TNFRSF8: variants seen among roughly 807,000 people sequenced by gnomAD.
The protein encoded by TNFRSF8 is TNF receptor superfamily member 8.
TNFRSF8 carries 26 observed loss-of-function variants against 70.8 expected under a neutral mutation model. The ratio of observed to expected loss-of-function variants is 0.37; its 90% CI spans 0.27 to 0.51. The LOEUF (loss-of-function observed/expected upper bound fraction) is 0.51. TNFRSF8 is among the 20% of genes least tolerant of loss of function. The probability of loss-of-function intolerance (pLI) is 0.94; values close to 1 mark genes in which losing one functional copy is unlikely to be tolerated. For missense variants in TNFRSF8, 720 were observed against 807.9 expected (o/e 0.89, Z 1.32); for synonymous variants, 356 against 339.2 (o/e 1.05, Z -0.54).
rs1640680188 is a variant in TNFRSF8, at chr1:12,063,384, A to T, written c.-215A>T. 1 of 396,322 alleles carries T rather than the reference A, an allele frequency of 2.5e-6. No homozygotes were observed. The highest frequency in any genetic ancestry group is 4.4e-6 in the Non-Finnish European group (1 of 225,976). The allele number at this position is 396,322 out of a possible 1,614,324, so 24.6% of individuals were successfully genotyped here. On this transcript the variant is annotated 5_prime_UTR_variant, in exon 1 of 15. Transcript: ENST00000263932. This position sits in a 1 kb window ranked among gnomAD's most constrained non-coding sequence, Gnocchi z 7.2. Reference sequence around the variant, plus strand: ...GTTCCTGGAACCAATTTGATACGGGAGAACTAAGGCTGAAACCTCGGAGGA... The same window carrying T: ...GTTCCTGGAACCAATTTGATACGGGTGAACTAAGGCTGAAACCTCGGAGGA...
intron 1 of TNFRSF8, among the ~76,000 whole-genome samples, chr1:12,069,259 A>G (rs1469485505): frequency 1.5e-5 from 2 of 129,090 alleles, no homozygotes; most frequent in Non-Finnish European, 1.6e-5. Context: ...GCTCACTGCA[A>G]CCTCCATTTC....
intron 1 of TNFRSF8, among the ~76,000 whole-genome samples, chr1:12,072,147 C>G (rs1231433651): frequency 6.6e-6 from 1 of 152,148 alleles, no homozygotes; most frequent in African/African-American, 2.4e-5. Flanking sequence ...ACAGTAGCTA[C>G]CTTGTATTGT....
chr1:12,126,342 A>G (rs984998782), intron 12 of TNFRSF8, 106 bp downstream of exon 12: 7 of 1,344,256 alleles, frequency 5.2e-6, no homozygotes, highest in Non-Finnish European at 7.4e-6. Flanking sequence ...CCAGCCTCGA[A>G]GCTCCCTGTC....
At chr1:12,080,103 C>T (rs1405366119) in intron 1 of TNFRSF8, among the ~76,000 whole-genome samples, 1 of 151,978 alleles carries the variant, frequency 6.6e-6, no homozygotes, top group Non-Finnish European at 1.5e-5. Context: ...CATGCACCAC[C>T]ATGCCCGGCT....
Position 12,138,579 on chromosome 1 carries a change from T to A in TNFRSF8, c.1543+143T>A. 1 of 822,072 alleles carries A rather than the reference T, an allele frequency of 1.2e-6. No individual in the cohort carries two copies. Among genetic ancestry groups the A allele is most frequent in the Non-Finnish European group, 1.9e-6 (1 of 532,060 alleles). The allele number at this position is 822,072 out of a possible 1,614,324, so 50.9% of individuals were successfully genotyped here. On this transcript the variant is annotated intron_variant, in intron 14 of 14. Transcript: ENST00000263932. This position sits in a 1 kb window ranked among gnomAD's most constrained non-coding sequence, Gnocchi z 5.7. ...AGAGGCATAGATTCTTCACCCCAAT[T>A]GAAGTTTCTGTAAGTAGGGACAGCG...
In TNFRSF8 at chr1:12,132,535, A is replaced by G. The variant is rs1266936425; in HGVS notation, c.1310-3053A>G. The stretch of plus-strand genomic sequence containing the variant: ...AAGAAGACCACAGAGGTGAAACGTC[A>G]TGCTCATCACATCAAATCTTGGCTG... On this transcript the variant is annotated intron_variant, in intron 12 of 14. Coordinates refer to ENST00000263932, the MANE Select transcript of TNFRSF8 (RefSeq NM_001243.5). Among the ~76,000 whole-genome samples the G allele has an allele frequency of 2.0e-5, 3 of 152,314 alleles. No individual in the cohort carries two copies. In the South Asian group the frequency reaches 6.2e-4, roughly 32 times the overall value.
In TNFRSF8 at chr1:12,113,731, C is replaced by T. The variant is rs72641092; in HGVS notation, c.793+1717C>T. 1.3e-5 allele frequency among the ~76,000 whole-genome samples: 2 copies of T among 149,170 alleles called. No individual in the cohort carries two copies. The highest frequency in any genetic ancestry group is 5.0e-5 in the African/African-American group (2 of 40,312). On this transcript the variant is annotated intron_variant, in intron 7 of 14. Transcript: ENST00000263932. The surrounding 1 kb of genome is among the most constrained non-coding windows in gnomAD (Gnocchi z 4.9). ...AGAGAGAGACAGAGATAGAGTGTGA[C>T]AGAGAGAAAGACAGAGAAAGAGAGA...
rs11569819 is a variant in TNFRSF8, at chr1:12,084,363, T to C, written c.64-101T>C. ...AGTTCTCGTCCTGATTTCTCTCCTA[T>C]ATTACAAAGCTCCGTCTCAGGCCTC... On this transcript the variant is annotated intron_variant, in intron 1 of 14. Transcript: ENST00000263932. 1.1e-3 allele frequency: 1,151 copies of C among 1,039,384 alleles called. 5 individuals are homozygous for C. Among genetic ancestry groups the C allele is most frequent in the East Asian group, 5.0e-3 (208 of 41,990 alleles). The allele number at this position is 1,039,384 out of a possible 1,614,324, so 64.4% of individuals were successfully genotyped here. A position where few individuals can be genotyped will look rare whatever the true frequency, so the allele number is the denominator to read the frequency against.
chr1:12,065,725 C>T (rs2100936737), intron 1 of TNFRSF8, among the ~76,000 whole-genome samples: 1 of 152,282 alleles, frequency 6.6e-6, no homozygotes, highest in Middle Eastern at 3.4e-3. Flanking sequence ...CTCTGCCTAT[C>T]TTTTAAAATG....
chr1:12,093,159 G>A (rs1215877107), intron 2 of TNFRSF8, among the ~76,000 whole-genome samples: 1 of 152,082 alleles, frequency 6.6e-6, no homozygotes, highest in African/African-American at 2.4e-5. Context: ...CCACCCTAGC[G>A]GCTTCATTTT....
chr1:12,102,542 T>C (rs1359614892), intron 3 of TNFRSF8, among the ~76,000 whole-genome samples: 2 of 152,220 alleles, frequency 1.3e-5, no homozygotes, highest in East Asian at 3.8e-4. Context: ...TTTGTTTTGT[T>C]TGAGACGGAG....
intron 8 of TNFRSF8, among the ~76,000 whole-genome samples, chr1:12,117,168 C>T (rs887363845): frequency 2.6e-5 from 4 of 152,014 alleles, no homozygotes; most frequent in East Asian, 1.9e-4. Flanking sequence ...CTGCAACCTC[C>T]GTCTCCCGGG....
chr1:12,135,884 C>T (rs924891486), intron 13 of TNFRSF8, among the ~76,000 whole-genome samples: 1 of 152,226 alleles, frequency 6.6e-6, no homozygotes, highest in Non-Finnish European at 1.5e-5. Context: ...ATAGCAGCCT[C>T]CAGCTCCTGG....
rs1168754180 is a variant in TNFRSF8 at position 12,109,597 on chromosome 1, G to A, written c.453G>A (p.Pro151=). 6.2e-7 allele frequency: 1 copy of A among 1,613,636 alleles called. No individual in the cohort carries two copies. Among genetic ancestry groups the A allele is most frequent in the Non-Finnish European group, 8.5e-7 (1 of 1,179,936 alleles). The change falls in exon 5 of 15, where the codon CCG becomes CCA. Residue 151 remains proline, a synonymous_variant. Transcript: ENST00000263932. This position sits in a 1 kb window ranked among gnomAD's most constrained non-coding sequence, Gnocchi z 4.4. ...CGCAGAAGAACACGGTCTGTGAGCC[G>A]GCTTCCCCAGGGGTCAGCCCTGCCT... ...GTAQKNTVCE[P]ASPGVSPACA... is the part of the protein sequence containing the mutation.
At chr1:12,074,425 G>A (rs977175958) in intron 1 of TNFRSF8, among the ~76,000 whole-genome samples, 12 of 151,784 alleles carry the variant, frequency 7.9e-5, no homozygotes, top group African/African-American at 1.2e-4. Context: ...GATTACAGGC[G>A]TGCACCACTA....
intron 14 of TNFRSF8, among the ~76,000 whole-genome samples, chr1:12,140,983 C>T (rs935057471): frequency 6.6e-6 from 1 of 152,170 alleles, no homozygotes; most frequent in Non-Finnish European, 1.5e-5. Flanking sequence ...GTGCTGAGGC[C>T]CTGCTCTGTT....
At position 12,126,288 on chromosome 1, in the gene TNFRSF8, A is replaced by C. The variant is rs1420607182; in HGVS notation, c.1309+52A>C. 3 of 1,607,998 alleles carry C rather than the reference A, an allele frequency of 1.9e-6. No homozygotes were observed. The East Asian group carries it at 6.7e-5, about 36-fold the overall frequency. ...TGCCCGAGCCAGAGGAACACAGGGCAGCTCTGGGCCCGGGGCGTGGGCTCC... is the reference window on the plus strand; with the variant it reads ...TGCCCGAGCCAGAGGAACACAGGGCCGCTCTGGGCCCGGGGCGTGGGCTCC... On this transcript the variant is annotated intron_variant, in intron 12 of 14. Coordinates refer to ENST00000263932, the MANE Select transcript of TNFRSF8 (RefSeq NM_001243.5).
intron 8 of TNFRSF8, among the ~76,000 whole-genome samples, chr1:12,120,887 A>G (rs1436907582): frequency 2.6e-5 from 4 of 152,200 alleles, no homozygotes; most frequent in African/African-American, 4.8e-5. Context: ...GAGGCACCCA[A>G]GGGATACTAG....
At chr1:12,095,772 C>A (rs370766506) in intron 2 of TNFRSF8, among the ~76,000 whole-genome samples, 16 of 152,192 alleles carry the variant, frequency 1.1e-4, no homozygotes, top group African/African-American at 3.9e-4. Flanking sequence ...TTGTAACTGG[C>A]AGAAGGGCTC....
Sources: allele counts gnomAD v4.1 joint callset (sites outside exome capture counted in the v4.1 genomes callset), GRCh38; gene constraint gnomAD v4.1.1; non-coding constraint Gnocchi (gnomAD v3.1); transcripts MANE v1.5; gene names NCBI Gene and HGNC (gene_info 2026-07-23, HGNC 2026-07-21).